The following GRID2 variants were observed in gnomAD, a reference collection of about 807,000 sequenced individuals.
GRID2 encodes the protein glutamate ionotropic receptor delta type subunit 2.
Under a neutral mutation model 114.8 loss-of-function variants are expected in GRID2, and 33 were observed. That is an observed-to-expected ratio of 0.29 (90% CI 0.22 to 0.38). The LOEUF (loss-of-function observed/expected upper bound fraction) is 0.38. Among genes scored for constraint, GRID2 ranks in the 10% least tolerant of loss-of-function variants. GRID2 has a pLI of 1.00. For missense variants in GRID2, 1,184 were observed against 1,257.7 expected, an observed-to-expected ratio of 0.94 and a Z score of 0.89; for synonymous variants, 505 against 449.9, an observed-to-expected ratio of 1.12 and a Z score of -1.55.
Position 93,676,889 on chromosome 4 carries a change from C to A in GRID2, c.2360+50454C>A, listed in dbSNP as rs533191144. Among the ~76,000 whole-genome samples, 18 of 152,136 alleles carry A rather than the reference C, an allele frequency of 1.2e-4. 1 individual carries two copies. In the South Asian group the frequency reaches 3.3e-3, roughly 28 times the overall value. On this transcript the variant is annotated intron_variant, in intron 14 of 15. Transcript: ENST00000282020. ...GATTTCTGCATTTCCATCTGAGGTA[C>A]CGGGTTCATCTCACTAGGGAGTGCC...
intron 13 of GRID2, among the ~76,000 whole-genome samples, chr4:93,546,491 A>G (rs1336989525): frequency 2.0e-5 from 3 of 152,182 alleles, no homozygotes; most frequent in Non-Finnish European, 4.4e-5. Context: ...GAGGGCCTGT[A>G]TGTTGCATAT....
chr4:92,801,807 C>G (rs561470225), intron 2 of GRID2, among the ~76,000 whole-genome samples: 2 of 151,856 alleles, frequency 1.3e-5, no homozygotes, highest in Admixed American at 6.6e-5. Context: ...ATACTCATAA[C>G]AAACCCAAAA....
chr4:92,860,569 T>A (rs1744462537), intron 2 of GRID2, among the ~76,000 whole-genome samples: 2 of 152,124 alleles, frequency 1.3e-5, no homozygotes, highest in African/African-American at 4.8e-5. Context: ...ACTGTCAGCA[T>A]TTTTCACCTT....
In GRID2 at chr4:92,353,417, A is replaced by C. The variant is rs190066460; in HGVS notation, c.88+48673A>C. ...ATACACTATGAGGTTATTTTTGTTG[A>C]AAAATTGACTTTTAAATATTAAAAT... On this transcript the variant is annotated intron_variant, in intron 1 of 15. Transcript: ENST00000282020. Among the ~76,000 whole-genome samples the C allele has an allele frequency of 2.0e-5, 3 of 152,068 alleles. No individual in the cohort carries two copies. In the East Asian group the frequency reaches 5.8e-4, roughly 30 times the overall value.
chr4:92,866,644 C>T (rs896629995), intron 2 of GRID2, among the ~76,000 whole-genome samples: 31 of 151,808 alleles, frequency 2.0e-4, no homozygotes, highest in Admixed American at 9.8e-4. Flanking sequence ...CCCGGGTTCA[C>T]GCCATTCTCC....
At chr4:92,787,641 T>A (rs1739380850) in intron 2 of GRID2, among the ~76,000 whole-genome samples, 1 of 151,886 alleles carries the variant, frequency 6.6e-6, no homozygotes, top group Non-Finnish European at 1.5e-5. Context: ...TTTAGATTTT[T>A]CTCTGAGTGA....
At chr4:92,367,171 A>T (rs1728908528) in intron 1 of GRID2, among the ~76,000 whole-genome samples, 1 of 152,040 alleles carries the variant, frequency 6.6e-6, no homozygotes, top group Non-Finnish European at 1.5e-5. Context: ...TCAGACTTTT[A>T]TCCATTAGTT....
intron 2 of GRID2, among the ~76,000 whole-genome samples, chr4:92,677,678 T>C (rs778559738): frequency 7.9e-5 from 12 of 152,124 alleles, no homozygotes; most frequent in Non-Finnish European, 1.8e-4. Flanking sequence ...ATTTTCCCTT[T>C]CTCTCTCATG....
chr4:93,741,411 G>A (rs573930996), intron 14 of GRID2, among the ~76,000 whole-genome samples: 1 of 151,758 alleles, frequency 6.6e-6, no homozygotes, highest in Admixed American at 6.6e-5. Context: ...AACAAGGGCA[G>A]AAAGATATAC....
At chr4:93,032,894 A>C (rs566258365) in intron 2 of GRID2, among the ~76,000 whole-genome samples, 2 of 152,222 alleles carry the variant, frequency 1.3e-5, no homozygotes, top group Non-Finnish European at 2.9e-5. Context: ...AGTATCTGTC[A>C]CAGTTCAAAA....
chr4:92,598,064 A>C (rs1729036281), intron 2 of GRID2, among the ~76,000 whole-genome samples: 1 of 152,214 alleles, frequency 6.6e-6, no homozygotes, highest in African/African-American at 2.4e-5. Flanking sequence ...AATGAGGTTT[A>C]TGGGAATCAC....
At chr4:93,069,768 C>T (rs1286622618) in intron 2 of GRID2, among the ~76,000 whole-genome samples, 1 of 151,990 alleles carries the variant, frequency 6.6e-6, no homozygotes, top group Non-Finnish European at 1.5e-5. Context: ...AAACTGAAAC[C>T]CAAAGAGAAA....
intron 4 of GRID2, among the ~76,000 whole-genome samples, chr4:93,126,760 G>A (rs570548552): frequency 5.3e-5 from 8 of 150,792 alleles, no homozygotes; most frequent in African/African-American, 1.9e-4. Context: ...ACCACGCCCG[G>A]CTAATTTTTT....
chr4:92,327,724 GT>G (rs1399719890), intron 1 of GRID2, among the ~76,000 whole-genome samples: 1 of 151,884 alleles, frequency 6.6e-6, no homozygotes. Flanking sequence ...TAGAACATAT[GT>G]TTCAATGTGT....
intron 1 of GRID2, among the ~76,000 whole-genome samples, chr4:92,341,890 G>A (rs1488227541): frequency 6.6e-6 from 1 of 150,640 alleles, no homozygotes; most frequent in Non-Finnish European, 1.5e-5. Context: ...ACTCCAGCCT[G>A]GGCGACAGCG....
Position 93,264,757 on chromosome 4 carries a change from GATATAT to G in GRID2, c.1245+26279_1245+26284del, listed in dbSNP as rs10567648. Among the ~76,000 whole-genome samples, 283 of 136,848 alleles carry G rather than the reference GATATAT, an allele frequency of 2.1e-3. 3 individuals are homozygous for G. Among genetic ancestry groups the G allele is most frequent in the Non-Finnish European group, 1.9e-3 (124 of 65,580 alleles). The allele number at this position is 136,848 out of a possible 152,430, so 89.8% of individuals were successfully genotyped here. On this transcript the variant is annotated intron_variant, in intron 8 of 15. Transcript: ENST00000282020. ...AATTATATATATATATCATTTGAAT[GATATAT>G]ATATATATATAAATATATATAATAT...
At chr4:93,189,598 T>G (rs1247565010) in intron 4 of GRID2, among the ~76,000 whole-genome samples, 1 of 152,106 alleles carries the variant, frequency 6.6e-6, no homozygotes, top group African/African-American at 2.4e-5. Context: ...GACTGATAAT[T>G]CAATGTGTAC....
chr4:92,931,000 T>G (rs995572936), intron 2 of GRID2, among the ~76,000 whole-genome samples: 7 of 150,974 alleles, frequency 4.6e-5, no homozygotes, highest in African/African-American at 1.7e-4. Context: ...AAGGAAACAC[T>G]TTCCAATGTG....
intron 4 of GRID2, among the ~76,000 whole-genome samples, chr4:93,114,721 A>G (rs1733076752): frequency 6.6e-6 from 1 of 152,120 alleles, no homozygotes; most frequent in South Asian, 2.1e-4. Flanking sequence ...TCTTTTGAGT[A>G]GGGAATAGGC....
Sources: allele counts gnomAD v4.1 joint callset (sites outside exome capture counted in the v4.1 genomes callset), GRCh38; gene constraint gnomAD v4.1.1; transcripts MANE v1.5; gene names NCBI Gene and HGNC (gene_info 2026-07-23, HGNC 2026-07-21).